Variants in ZNF496 observed in about 807,000 individuals in gnomAD.
The protein encoded by ZNF496 is zinc finger protein 496.
ZNF496 carries 11 observed loss-of-function variants against 58.9 expected under a neutral mutation model. The ratio of observed to expected loss-of-function variants is 0.19; its 90% CI spans 0.12 to 0.31. The LOEUF is 0.31. Among genes scored for constraint, ZNF496 ranks in the 10% least tolerant of loss-of-function variants. ZNF496 has a pLI of 1.00. For synonymous variants in ZNF496, 338 were observed against 318.2 expected, an observed-to-expected ratio of 1.06 and a Z score of -0.66; for missense variants, 660 against 783.0, an observed-to-expected ratio of 0.84 and a Z score of 1.88.
At chr1:247,325,827 C>A (rs1660102125) in intron 5 of ZNF496, among the ~76,000 whole-genome samples, 1 of 151,974 alleles carries the variant, frequency 6.6e-6, no homozygotes, top group Non-Finnish European at 1.5e-5. Flanking sequence ...CTTCCTCACA[C>A]CTGCCACCTT....
intron 5 of ZNF496, among the ~76,000 whole-genome samples, chr1:247,324,519 A>C (rs553330253): frequency 7.2e-6 from 1 of 139,216 alleles, no homozygotes; most frequent in Non-Finnish European, 1.6e-5. Context: ...CATTATATTA[A>C]TTAGCTTGAC....
At chr1:247,330,858 C>T (rs1389576028) in intron 2 of ZNF496, among the ~76,000 whole-genome samples, 1 of 152,260 alleles carries the variant, frequency 6.6e-6, no homozygotes, top group Non-Finnish European at 1.5e-5. Context: ...AGAAAAGCTA[C>T]GGAACAACTG....
intron 6 of ZNF496, among the ~76,000 whole-genome samples, chr1:247,320,538 A>T (rs1558155723): frequency 6.6e-6 from 1 of 152,236 alleles, no homozygotes; most frequent in Non-Finnish European, 1.5e-5. Flanking sequence ...CTTCTGGTGA[A>T]GCACCTGTTC....
chr1:247,328,649 G>T, intron 5 of ZNF496, 34 bp downstream of exon 5: 1 of 1,517,510 alleles, frequency 6.6e-7, no homozygotes. Context: ...CACTTCCCCA[G>T]ATCACCCCTG....
intron 7 of ZNF496, 125 bp downstream of exon 7, chr1:247,310,199 A>T: frequency 6.6e-7 from 1 of 1,506,614 alleles, no homozygotes; most frequent in Non-Finnish European, 8.9e-7. Context: ...GTTGGGGGTG[A>T]ACAGAGAGAT....
Position 247,301,150 on chromosome 1 carries a change from G to A in ZNF496, c.1133C>T (p.Pro378Leu), listed in dbSNP as rs762567651. Residue 378 changes from proline (P) to leucine (L), a missense_variant, in exon 10 of 10, where the codon CCC becomes CTC. Transcript: ENST00000682384. ...GGGGAGGCTGCGCTGCTTCTCTGTG[G>A]GGCTCCCCAGCTCTTCTGTGCAGTA... ...GPYCTEELGS[P>L]TEKQRSLPAS... 4.3e-6 allele frequency: 7 copies of A among 1,613,304 alleles called. No homozygotes were observed. Among genetic ancestry groups the A allele is most frequent in the East Asian group, 2.2e-5 (1 of 44,864 alleles).
Position 247,300,504 on chromosome 1 carries a change from C to A in ZNF496, c.*15G>T. 6.3e-7 allele frequency: 1 copy of A among 1,589,552 alleles called. No individual in the cohort carries two copies. The highest frequency in any genetic ancestry group is 1.1e-5 in the South Asian group (1 of 88,134). ...GCAGCACCAGCCAGGGTGAGGCCGC[C>A]CCAGGCGGAGAGGCTCAGTAGGAGT... On this transcript the variant is annotated 3_prime_UTR_variant, in exon 10 of 10. Coordinates refer to ENST00000682384, the MANE Select transcript of ZNF496 (RefSeq NM_032752.3). The surrounding 1 kb of genome is among the most constrained non-coding windows in gnomAD (Gnocchi z 5.7).
Position 247,329,476 on chromosome 1 carries a change from G to A in ZNF496, c.103C>T (p.Leu35Phe). 6.2e-7 allele frequency: 1 copy of A among 1,608,680 alleles called. No individual in the cohort carries two copies. The highest frequency in any genetic ancestry group is 2.2e-5 in the East Asian group (1 of 44,812). Residue 35 changes from leucine (L) to phenylalanine (F), a missense_variant, in exon 4 of 10, where the codon CTT becomes TTT. By Grantham distance (22) the Leu-to-Phe change is conservative (BLOSUM62 0). Coordinates refer to ENST00000682384, the MANE Select transcript of ZNF496 (RefSeq NM_032752.3). The surrounding 1 kb of genome is among the most constrained non-coding windows in gnomAD (Gnocchi z 5.5). Reference protein sequence around the residue: ...PGENPSPQGELPSPESSRRLF... With the variant: ...PGENPSPQGEFPSPESSRRLF... ...CGCCGAGAGGACTCGGGGCTGGGAA[G>A]CTCCCCCTGGGGGCTAGGGTTCTCT...
At chr1:247,302,877 AG>A (rs1157865822) in intron 9 of ZNF496, among the ~76,000 whole-genome samples, 2 of 152,302 alleles carry the variant, frequency 1.3e-5, no homozygotes, top group East Asian at 3.9e-4. Flanking sequence ...GCCGATGACA[AG>A]GTACTTGATC....
chr1:247,302,390 CAT>C (rs1659271821), intron 9 of ZNF496, among the ~76,000 whole-genome samples: 5 of 152,012 alleles, frequency 3.3e-5, no homozygotes, highest in Non-Finnish European at 4.4e-5. Context: ...GTCGGGGGAA[CAT>C]GAGTCTGGGA....
intron 5 of ZNF496, among the ~76,000 whole-genome samples, chr1:247,325,779 G>A (rs1233572018): frequency 6.6e-6 from 1 of 152,098 alleles, no homozygotes; most frequent in Admixed American, 6.5e-5. Flanking sequence ...ATAGGCATGA[G>A]CCACCATGCC....
intron 9 of ZNF496, chr1:247,303,997 G>T (rs919309530): frequency 2.6e-6 from 1 of 382,054 alleles, no homozygotes; most frequent in Non-Finnish European, 5.2e-6. Flanking sequence ...CAACCCTGTG[G>T]ACTGCATGGA....
rs1382344061 is a variant in ZNF496, at chr1:247,304,081, A to G, written c.1007-2805T>C. 13 of 437,200 alleles carry G rather than the reference A, an allele frequency of 3.0e-5. No homozygotes were observed. The East Asian group carries it at 9.0e-4, about 30-fold the overall frequency. 27.1% of individuals were successfully genotyped at this position (437,200 alleles called of 1,614,324 possible). The stretch of plus-strand genomic sequence containing the variant: ...AACTGAAAGGAAAAGAGATGGGATG[A>G]AATAAAAGAAGGCTAGGACTTCTGG... On this transcript the variant is annotated intron_variant, in intron 9 of 9. Coordinates refer to ENST00000682384, the MANE Select transcript of ZNF496 (RefSeq NM_032752.3).
intron 6 of ZNF496, among the ~76,000 whole-genome samples, chr1:247,317,608 T>A (rs566440153): frequency 6.6e-6 from 1 of 151,636 alleles, no homozygotes; most frequent in Admixed American, 6.6e-5. Context: ...TGTAGGGAGC[T>A]GGAACTCCAC....
At chr1:247,322,740 C>T (rs1572090352) in intron 6 of ZNF496, 2 of 1,290,696 alleles carry the variant, frequency 1.5e-6, no homozygotes, top group East Asian at 1.1e-4. Flanking sequence ...GTGCTTTCTT[C>T]CCTCCACTTC....
At chr1:247,326,336 A>G (rs75022983) in intron 5 of ZNF496, among the ~76,000 whole-genome samples, 2,930 of 152,148 alleles carry the variant, frequency 0.019, 34 homozygotes, top group Non-Finnish European at 0.031. Flanking sequence ...GAACTGTCCC[A>G]ATAGTTAAGG....
intron 6 of ZNF496, among the ~76,000 whole-genome samples, chr1:247,316,825 C>T (rs1167413808): frequency 2.0e-5 from 3 of 152,084 alleles, no homozygotes; most frequent in Non-Finnish European, 4.4e-5. Flanking sequence ...GCTTTTAGAA[C>T]CATATGGACC....
intron 6 of ZNF496, chr1:247,312,847 C>T (rs1307976071): frequency 6.6e-6 from 1 of 152,178 alleles, no homozygotes; most frequent in Non-Finnish European, 1.5e-5. Flanking sequence ...ACCCGGTTCC[C>T]AAGCTTCTTC....
chr1:247,307,399 C>T lies in ZNF496; in HGVS notation c.1006+1076G>A, dbSNP rs952815577. 65 of 985,324 alleles carry T rather than the reference C, an allele frequency of 6.6e-5. No individual in the cohort carries two copies. The African/African-American group carries it at 1.1e-3, about 16-fold the overall frequency. The allele number at this position is 985,324 out of a possible 1,614,324, so 61.0% of individuals were successfully genotyped here. The stretch of plus-strand genomic sequence containing the variant: ...AAAACTCCTGTGTATAAATGAACAT[C>T]CATCCATCTTCTAAAAGTATATTGA... On this transcript the variant is annotated intron_variant, in intron 9 of 9. Coordinates refer to ENST00000682384, the MANE Select transcript of ZNF496 (RefSeq NM_032752.3).
Sources: gnomAD v4.1 joint callset for allele counts (sites outside exome capture counted in the v4.1 genomes callset) on GRCh38, gnomAD v4.1.1 for gene constraint, Gnocchi (gnomAD v3.1) non-coding constraint, MANE v1.5 for transcripts, NCBI Gene and HGNC (gene_info 2026-07-23, HGNC 2026-07-21) for gene names.